Variants in MAPK10 observed in about 807,000 individuals in gnomAD.
MAPK10 encodes the protein JNK3 alpha protein kinase.
Under a neutral mutation model 59.3 loss-of-function variants are expected in MAPK10, and 25 were observed. The observed-to-expected ratio is 0.42, with a 90% confidence interval of 0.31 to 0.59. The LOEUF is 0.59. Ranked by LOEUF, MAPK10 falls within the 20% of genes least tolerant of loss-of-function variation. The pLI, the probability that MAPK10 is intolerant of heterozygous loss-of-function variation, is 0.15. For synonymous variants in MAPK10, 190 were observed against 200.5 expected (o/e 0.95, Z 0.44); for missense variants, 351 against 568.9 (o/e 0.62, Z 3.90).
intron 2 of MAPK10, among the ~76,000 whole-genome samples, chr4:86,330,022 A>G (rs2096117209): frequency 6.6e-6 from 1 of 152,164 alleles, no homozygotes; most frequent in Admixed American, 6.5e-5. Context: ...GTGGGCCGGC[A>G]AAGAGAATAC....
intron 1 of MAPK10, among the ~76,000 whole-genome samples, chr4:86,587,859 A>T (rs936737114): frequency 6.6e-6 from 1 of 152,180 alleles, no homozygotes; most frequent in African/African-American, 2.4e-5. Flanking sequence ...TTGTCAAAAA[A>T]TTATGGATGA....
chr4:86,532,310 A>G (rs2149091858), intron 1 of MAPK10, among the ~76,000 whole-genome samples: 1 of 152,260 alleles, frequency 6.6e-6, no homozygotes, highest in Non-Finnish European at 1.5e-5. Flanking sequence ...AGCTACTATA[A>G]GGCAAGAAGT....
intron 2 of MAPK10, among the ~76,000 whole-genome samples, chr4:86,236,118 T>A (rs1282590983): frequency 6.6e-6 from 1 of 152,154 alleles, no homozygotes; most frequent in Non-Finnish European, 1.5e-5. Context: ...CTCTCTGACC[T>A]CTGTTTTTGT....
chr4:86,430,957 G>A (rs1242287132), intron 1 of MAPK10, among the ~76,000 whole-genome samples: 4 of 151,974 alleles, frequency 2.6e-5, no homozygotes, highest in African/African-American at 9.7e-5. Flanking sequence ...CTGTTTATAT[G>A]GGGAAAAAAC....
chr4:86,081,693 A>G (rs1230304788), intron 9 of MAPK10: 1 of 152,130 alleles, frequency 6.6e-6, no homozygotes, highest in African/African-American at 2.4e-5. Context: ...ATTTAAAAAT[A>G]AATATGACAA....
intron 2 of MAPK10, among the ~76,000 whole-genome samples, chr4:86,271,945 A>G (rs1563842620): frequency 6.6e-6 from 1 of 151,984 alleles, no homozygotes; most frequent in Admixed American, 6.6e-5. Flanking sequence ...GCCAAACCAT[A>G]TCAGTACCCA....
chr4:86,394,604 GAGA>G (rs1247521249), intron 1 of MAPK10, among the ~76,000 whole-genome samples: 2 of 152,080 alleles, frequency 1.3e-5, no homozygotes, highest in African/African-American at 2.4e-5. Flanking sequence ...TAGGTTTAAG[GAGA>G]AGAAGAAGAT....
chr4:86,378,223 A>C (rs911253551), intron 1 of MAPK10, among the ~76,000 whole-genome samples: 1 of 152,128 alleles, frequency 6.6e-6, no homozygotes, highest in East Asian at 1.9e-4. Flanking sequence ...CAGGCCCCAC[A>C]TGCTCCAACT....
chr4:86,190,263 AAAT>A (rs1192128905), intron 3 of MAPK10, among the ~76,000 whole-genome samples: 1 of 152,146 alleles, frequency 6.6e-6, no homozygotes, highest in Non-Finnish European at 1.5e-5. Flanking sequence ...TGGCCTCATA[AAAT>A]GAGTAAGGAA....
intron 1 of MAPK10, among the ~76,000 whole-genome samples, chr4:86,506,388 A>T (rs1755738409): frequency 1.3e-5 from 2 of 152,152 alleles, no homozygotes; most frequent in African/African-American, 4.8e-5. Flanking sequence ...TTTGTCACTT[A>T]CTTGATGAAC....
intron 4 of MAPK10, among the ~76,000 whole-genome samples, chr4:86,150,483 A>G (rs997212035): frequency 1.3e-5 from 2 of 152,218 alleles, no homozygotes; most frequent in African/African-American, 2.4e-5. Flanking sequence ...ATGAGAGCTG[A>G]AAAAGAAGCC....
intron 1 of MAPK10, among the ~76,000 whole-genome samples, chr4:86,487,159 T>C (rs948120496): frequency 6.6e-6 from 1 of 152,076 alleles, no homozygotes; most frequent in Non-Finnish European, 1.5e-5. Flanking sequence ...ATAACAGACA[T>C]GATTAGGGCA....
At chr4:86,461,305 G>A (rs902138676) in intron 1 of MAPK10, among the ~76,000 whole-genome samples, 9 of 152,150 alleles carry the variant, frequency 5.9e-5, no homozygotes, top group African/African-American at 1.4e-4. Context: ...CCAGAAAGGC[G>A]GGACAACTTG....
At chr4:86,483,520 C>G (rs4693772) in intron 1 of MAPK10, among the ~76,000 whole-genome samples, 50,708 of 151,720 alleles carry the variant, frequency 0.33, 8,677 homozygotes, top group Admixed American at 0.38. Flanking sequence ...GGCAGAAAGA[C>G]CGCTAAGCCG....
chr4:86,547,376 C>T (rs1005582672), intron 1 of MAPK10, among the ~76,000 whole-genome samples: 1 of 152,214 alleles, frequency 6.6e-6, no homozygotes, highest in African/African-American at 2.4e-5. Context: ...GTGGGCTCTG[C>T]GGACCCGCAC....
chr4:86,343,546 C>A (rs1726311434), intron 2 of MAPK10, among the ~76,000 whole-genome samples: 1 of 152,134 alleles, frequency 6.6e-6, no homozygotes. Flanking sequence ...GACATTTATT[C>A]ATTACATACA....
chr4:86,517,979 T>C (rs1756823901), intron 1 of MAPK10, among the ~76,000 whole-genome samples: 2 of 152,082 alleles, frequency 1.3e-5, no homozygotes, highest in Middle Eastern at 3.2e-3. Context: ...CTGTTCAGAG[T>C]TCCTATTTCT....
At chr4:86,317,210 G>T (rs940111048) in intron 2 of MAPK10, among the ~76,000 whole-genome samples, 1 of 152,054 alleles carries the variant, frequency 6.6e-6, no homozygotes, top group African/African-American at 2.4e-5. Flanking sequence ...CTATGAATCT[G>T]GGCTATTACG....
intron 2 of MAPK10, among the ~76,000 whole-genome samples, chr4:86,286,746 A>G (rs1278003124): frequency 6.6e-6 from 1 of 152,188 alleles, no homozygotes; most frequent in Non-Finnish European, 1.5e-5. Flanking sequence ...TTCAGGAATG[A>G]GGAGAGGGGG....
Sources: allele counts gnomAD v4.1 joint callset (sites outside exome capture counted in the v4.1 genomes callset), GRCh38; gene constraint gnomAD v4.1.1; transcripts MANE v1.5; gene names NCBI Gene and HGNC (gene_info 2026-07-23, HGNC 2026-07-21).